Variants in AEBP2 observed in about 807,000 individuals in gnomAD.
The protein encoded by AEBP2 is zinc finger protein AEBP2.
Under a neutral mutation model 50.8 loss-of-function variants are expected in AEBP2, and 10 were observed. That is an observed-to-expected ratio of 0.20 (90% CI 0.12 to 0.33). AEBP2 has a LOEUF of 0.33. Among genes scored for constraint, AEBP2 ranks in the 10% least tolerant of loss-of-function variants. The probability of loss-of-function intolerance (pLI) is 1.00; values close to 1 mark genes in which losing one functional copy is unlikely to be tolerated. For synonymous variants in AEBP2, 296 were observed against 261.3 expected (o/e 1.13, Z -1.28); for missense variants, 570 against 688.0 (o/e 0.83, Z 1.92).
In AEBP2 at chr12:19,439,750, G is replaced by A. The variant is rs1427963096; in HGVS notation, c.51G>A (p.Leu17=). 5 of 1,518,648 alleles carry A rather than the reference G, an allele frequency of 3.3e-6. No homozygotes were observed. The African/African-American group carries it at 4.3e-5, about 13-fold the overall frequency. 94.1% of individuals were successfully genotyped at this position (1,518,648 alleles called of 1,614,324 possible). A position where few individuals can be genotyped will look rare whatever the true frequency, so the allele number is the denominator to read the frequency against. The change falls in exon 1 of 8, where the codon CTG becomes CTA. Residue 17 remains leucine, a synonymous_variant. Transcript: ENST00000266508. ...DMADLEELSR[L]SPLPPGSPGS... ...CCGACCTGGAGGAGCTCTCCCGCCT[G>A]AGCCCTCTGCCCCCCGGCAGCCCGG...
chr12:19,456,330 A>C, intron 1 of AEBP2: 3 of 1,426,066 alleles, frequency 2.1e-6, no homozygotes, highest in Non-Finnish European at 2.0e-6. Context: ...GATGACATCC[A>C]CTGCAACTGT....
intron 3 of AEBP2, among the ~76,000 whole-genome samples, chr12:19,474,497 C>T (rs1948619040): frequency 6.6e-6 from 1 of 152,098 alleles, no homozygotes; most frequent in South Asian, 2.1e-4. Context: ...TCCCCCCTTC[C>T]TCCCAAATAT....
At chr12:19,409,350 T>TAA (rs11291593) in intron 1 of AEBP2, among the ~76,000 whole-genome samples, 4 of 147,130 alleles carry the variant, frequency 2.7e-5, no homozygotes, top group African/African-American at 1.0e-4. Context: ...GCATTTGTGC[T>TAA]AAAAAAAAAA....
intron 1 of AEBP2, among the ~76,000 whole-genome samples, chr12:19,430,467 T>G (rs1411761037): frequency 6.6e-6 from 1 of 152,196 alleles, no homozygotes; most frequent in Admixed American, 6.5e-5. Flanking sequence ...AGGCTCTTTT[T>G]TGGTTCCATA....
intron 2 of AEBP2, among the ~76,000 whole-genome samples, chr12:19,471,207 C>T (rs1948567922): frequency 6.8e-6 from 1 of 147,472 alleles, no homozygotes; most frequent in Non-Finnish European, 1.5e-5. Flanking sequence ...TAGCCTTGCC[C>T]TCTCCAGTGC....
intron 1 of AEBP2, among the ~76,000 whole-genome samples, chr12:19,440,994 A>G (rs1014931312): frequency 2.6e-5 from 4 of 152,362 alleles, no homozygotes; most frequent in South Asian, 2.1e-4. Context: ...ATATCTGGGA[A>G]AAAGTTTTAA....
At chr12:19,423,370 A>G (rs978886802) in intron 1 of AEBP2, among the ~76,000 whole-genome samples, 2 of 152,158 alleles carry the variant, frequency 1.3e-5, no homozygotes, top group Non-Finnish European at 2.9e-5. Flanking sequence ...CTATTTGGCT[A>G]GTACTGCAGC....
intron 3 of AEBP2, among the ~76,000 whole-genome samples, chr12:19,480,038 C>A (rs1357949154): frequency 6.6e-6 from 1 of 151,692 alleles, no homozygotes. Context: ...GCCTTAATAG[C>A]TGTTTTTTTT....
intron 1 of AEBP2, chr12:19,413,210 A>G: frequency 1.3e-6 from 1 of 785,442 alleles, no homozygotes; most frequent in Non-Finnish European, 2.4e-6. Flanking sequence ...AATGAGAAAC[A>G]GTATCTTAAC....
chr12:19,432,253 G>A (rs2095751792), intron 1 of AEBP2, among the ~76,000 whole-genome samples: 1 of 152,188 alleles, frequency 6.6e-6, no homozygotes, highest in Non-Finnish European at 1.5e-5. Context: ...GGATCCCTAA[G>A]AGAAACAGAG....
intron 7 of AEBP2, among the ~76,000 whole-genome samples, chr12:19,516,242 A>G (rs1949316312): frequency 6.6e-6 from 1 of 152,236 alleles, no homozygotes; most frequent in South Asian, 2.1e-4. Flanking sequence ...TCTATAAAGA[A>G]AAATAATTGA....
chr12:19,487,284 A>AT (rs971829618), intron 3 of AEBP2, among the ~76,000 whole-genome samples: 54 of 151,258 alleles, frequency 3.6e-4, no homozygotes, highest in African/African-American at 1.2e-3. Context: ...CATTTCAGGT[A>AT]TTTTTTTTTA....
intron 1 of AEBP2, among the ~76,000 whole-genome samples, chr12:19,441,102 T>C (rs2153366172): frequency 6.6e-6 from 1 of 152,316 alleles, no homozygotes; most frequent in East Asian, 1.9e-4. Context: ...AATACAGTCT[T>C]GAAGGTACAA....
In AEBP2 at chr12:19,479,717, G is replaced by GTTTTTTTTTTTTTTTT. The variant is rs369410408; in HGVS notation, c.987+6378_987+6393dup. On this transcript the variant is annotated intron_variant, in intron 3 of 7. Transcript: ENST00000266508. ...ATTATTTAATGTCACCTCTTTGTGGGTTTTTTTTTTTTTTTTTTTTTTTTT... is the reference window on the plus strand; with the variant it reads ...ATTATTTAATGTCACCTCTTTGTGGGTTTTTTTTTTTTTTTTTTTTTTTTTTTTTTTTTTTTTTTTT... Among the ~76,000 whole-genome samples, 62 of 22,348 alleles carry GTTTTTTTTTTTTTTTT rather than the reference G, an allele frequency of 2.8e-3. 4 individuals are homozygous for GTTTTTTTTTTTTTTTT. The highest frequency in any genetic ancestry group is 3.6e-3 in the East Asian group (4 of 1,106). 14.7% of individuals were successfully genotyped at this position (22,348 alleles called of 152,430 possible).
At chr12:19,445,895 C>T in intron 1 of AEBP2, 1 of 151,786 alleles carries the variant, frequency 6.6e-6, no homozygotes, top group East Asian at 1.9e-4. Context: ...ATATAACTAG[C>T]TTTCTTTTTT....
intron 1 of AEBP2, among the ~76,000 whole-genome samples, chr12:19,417,681 A>G (rs188810192): frequency 1.6e-4 from 24 of 150,112 alleles, no homozygotes; most frequent in Admixed American, 5.3e-4. Context: ...GTGCTGGGAT[A>G]ACAGGTGTGA....
chr12:19,485,162 A>G (rs751740356), intron 3 of AEBP2, among the ~76,000 whole-genome samples: 6 of 152,176 alleles, frequency 3.9e-5, no homozygotes, highest in Non-Finnish European at 5.9e-5. Flanking sequence ...ATGATGATGT[A>G]TATGCAGGTT....
intron 1 of AEBP2, among the ~76,000 whole-genome samples, chr12:19,447,751 C>A (rs984589263): frequency 6.6e-6 from 1 of 152,128 alleles, no homozygotes; most frequent in Non-Finnish European, 1.5e-5. Flanking sequence ...TGAGGATAAG[C>A]GATCAGTATT....
upstream of AEBP2, among the ~76,000 whole-genome samples, chr12:19,439,278 C>T (rs1195721667): frequency 6.6e-6 from 1 of 152,126 alleles, no homozygotes; most frequent in Non-Finnish European, 1.5e-5. Flanking sequence ...TGCTAAAATC[C>T]CCGGCCAGCG....
Sources: allele counts gnomAD v4.1 joint callset (sites outside exome capture counted in the v4.1 genomes callset), GRCh38; gene constraint gnomAD v4.1.1; transcripts MANE v1.5; gene names NCBI Gene and HGNC (gene_info 2026-07-23, HGNC 2026-07-21).